The following ARB2A variants were observed in gnomAD, a reference collection of about 807,000 sequenced individuals.
The protein encoded by ARB2A is ARB2 cotranscriptional regulator A.
the ARB2A span, among the ~76,000 whole-genome samples, chr5:93,634,536 A>G: frequency 6.6e-6 from 1 of 152,202 alleles, no homozygotes; most frequent in Admixed American, 6.5e-5. Flanking sequence ...ATAGCGACTA[A>G]TTGATAAACA....
chr5:93,720,328 A>C, the ARB2A span, among the ~76,000 whole-genome samples: 1 of 152,206 alleles, frequency 6.6e-6, no homozygotes, highest in South Asian at 2.1e-4. Context: ...AAAACAATTC[A>C]ATCATTATAT....
At chr5:94,069,295 A>C in the ARB2A span, among the ~76,000 whole-genome samples, 1 of 152,216 alleles carries the variant, frequency 6.6e-6, no homozygotes, top group East Asian at 1.9e-4. Flanking sequence ...CTCAAGATGG[A>C]TTAAAGATTT....
chr5:93,850,653 T>C, the ARB2A span, among the ~76,000 whole-genome samples: 4 of 152,186 alleles, frequency 2.6e-5, no homozygotes, highest in African/African-American at 9.6e-5. Context: ...GAACTCGCCA[T>C]CAAACTTGTG....
At chr5:93,912,121 G>A in the ARB2A span, among the ~76,000 whole-genome samples, 31 of 151,690 alleles carry the variant, frequency 2.0e-4, no homozygotes, top group African/African-American at 7.0e-4. Context: ...TGTATATATC[G>A]TTATTGTCAG....
chr5:94,047,492 C>CAAAAAA, the ARB2A span, among the ~76,000 whole-genome samples: 2 of 81,156 alleles, frequency 2.5e-5, no homozygotes, highest in Non-Finnish European at 5.1e-5. Context: ...GACTCCATCT[C>CAAAAAA]AAAAAAAAAA....
chr5:93,695,685 G>C, the ARB2A span, among the ~76,000 whole-genome samples: 3 of 152,210 alleles, frequency 2.0e-5, no homozygotes, highest in South Asian at 6.2e-4. Context: ...TCATTACTGG[G>C]TATATACCCA....
At chr5:94,058,475 T>C in the ARB2A span, among the ~76,000 whole-genome samples, 1 of 152,122 alleles carries the variant, frequency 6.6e-6, no homozygotes, top group Non-Finnish European at 1.5e-5. Flanking sequence ...GTGATCTGTA[T>C]GTTTGAAAAA....
At chr5:93,911,640 A>AC in the ARB2A span, among the ~76,000 whole-genome samples, 2 of 151,670 alleles carry the variant, frequency 1.3e-5, no homozygotes, top group Middle Eastern at 6.8e-3. Flanking sequence ...ACACACACAC[A>AC]CACACACACA....
chr5:93,779,196 C>T, the ARB2A span, among the ~76,000 whole-genome samples: 1 of 151,196 alleles, frequency 6.6e-6, no homozygotes, highest in Admixed American at 6.6e-5. Flanking sequence ...AAGGGCAAAA[C>T]AAGTTAAATG....
At chr5:93,768,742 G>A in the ARB2A span, among the ~76,000 whole-genome samples, 1 of 151,824 alleles carries the variant, frequency 6.6e-6, no homozygotes, top group African/African-American at 2.4e-5. Context: ...CACCATGCCT[G>A]GCTAATTAAA....
the ARB2A span, chr5:93,682,778 A>G: frequency 1.1e-6 from 1 of 882,318 alleles, no homozygotes; most frequent in African/African-American, 1.6e-5. Flanking sequence ...CCAGATATCA[A>G]CTGTTAACAG....
chr5:93,854,316 T>C, the ARB2A span, among the ~76,000 whole-genome samples: 8 of 152,256 alleles, frequency 5.3e-5, no homozygotes, highest in East Asian at 1.9e-4. Flanking sequence ...CCCTTTATCA[T>C]TTTTATTGCA....
At chr5:93,979,423 C>A in the ARB2A span, among the ~76,000 whole-genome samples, 1 of 151,792 alleles carries the variant, frequency 6.6e-6, no homozygotes, top group Non-Finnish European at 1.5e-5. Flanking sequence ...GCAGGTGAAA[C>A]CTATATATTG....
the ARB2A span, among the ~76,000 whole-genome samples, chr5:93,641,491 G>C: frequency 6.6e-6 from 1 of 152,094 alleles, no homozygotes; most frequent in African/African-American, 2.4e-5. Context: ...GAAGATGTTG[G>C]CTACTGAAAG....
At chr5:93,851,495 C>T in the ARB2A span, among the ~76,000 whole-genome samples, 1 of 152,074 alleles carries the variant, frequency 6.6e-6, no homozygotes, top group South Asian at 2.1e-4. Context: ...GGTACATGTG[C>T]ACAATGTGCA....
the ARB2A span, among the ~76,000 whole-genome samples, chr5:94,058,607 A>C: frequency 6.6e-6 from 1 of 152,252 alleles, no homozygotes; most frequent in Non-Finnish European, 1.5e-5. Context: ...ATAATTACAG[A>C]AGATGAGATG....
the ARB2A span, among the ~76,000 whole-genome samples, chr5:93,894,476 C>A: frequency 2.0e-5 from 3 of 151,960 alleles, no homozygotes; most frequent in Non-Finnish European, 4.4e-5. Flanking sequence ...TGTCTCTCAG[C>A]TTCTCTGTAC....
chr5:93,789,359 T>C, the ARB2A span, among the ~76,000 whole-genome samples: 1 of 152,214 alleles, frequency 6.6e-6, no homozygotes, highest in Non-Finnish European at 1.5e-5. Context: ...CTCCGGTTAA[T>C]AGCAGAGTTG....
the ARB2A span, among the ~76,000 whole-genome samples, chr5:93,997,450 A>T: frequency 1.3e-5 from 2 of 152,030 alleles, no homozygotes; most frequent in African/African-American, 4.8e-5. Context: ...ATTCAATAAG[A>T]TATTTCAGGA....
Sources: allele counts gnomAD v4.1 joint callset (sites outside exome capture counted in the v4.1 genomes callset), GRCh38; gene constraint gnomAD v4.1.1; transcripts MANE v1.5; gene names NCBI Gene and HGNC (gene_info 2026-07-23, HGNC 2026-07-21).